The following ISY1 variants were observed in gnomAD, a reference collection of about 807,000 sequenced individuals.
ISY1 encodes ISY1 spliceosome associated protein.
ISY1 carries 12 observed loss-of-function variants against 54.4 expected under a neutral mutation model. The ratio of observed to expected loss-of-function variants is 0.22; its 90% CI spans 0.14 to 0.36. ISY1 has a LOEUF of 0.36. Ranked by LOEUF, ISY1 falls within the 10% of genes least tolerant of loss-of-function variation. ISY1 has a pLI of 1.00. For missense variants in ISY1, 282 were observed against 342.2 expected, an observed-to-expected ratio of 0.82 and a Z score of 1.39; for synonymous variants, 96 against 117.9, an observed-to-expected ratio of 0.81 and a Z score of 1.20.
chr3:129,131,307 AG>A (rs1936233203), intron 9 of ISY1, among the ~76,000 whole-genome samples: 1 of 152,256 alleles, frequency 6.6e-6, no homozygotes. Context: ...TGTACTCAAG[AG>A]AAACACTGCA....
intron 1 of ISY1, 55 bp downstream of exon 1, chr3:129,160,918 G>GCCCACC: frequency 1.5e-6 from 1 of 666,128 alleles, no homozygotes; most frequent in South Asian, 1.6e-5. Context: ...TGGACTGGGC[G>GCCCACC]CCCCCCCGCC....
chr3:129,158,359 A>G (rs1349579812), intron 3 of ISY1, 149 bp downstream of exon 3: 105 of 1,046,506 alleles, frequency 1.0e-4, no homozygotes, highest in Non-Finnish European at 6.9e-6. Flanking sequence ...GGATTTTGCC[A>G]TGTTGCCCAG....
intron 5 of ISY1, 64 bp downstream of exon 5, chr3:129,156,569 T>G: frequency 6.5e-7 from 1 of 1,532,652 alleles, no homozygotes; most frequent in Non-Finnish European, 8.9e-7. Context: ...AAAGGAGTAT[T>G]GAAGTCCTCA....
At chr3:129,130,222 A>G in intron 10 of ISY1, 34 bp from the exon 11 acceptor site, 1 of 1,564,406 alleles carries the variant, frequency 6.4e-7, no homozygotes, top group Non-Finnish European at 8.6e-7. Context: ...CTCACTCCTC[A>G]GCAAAGCCCC....
intron 5 of ISY1, among the ~76,000 whole-genome samples, chr3:129,155,064 T>C (rs1224995248): frequency 6.6e-6 from 1 of 151,978 alleles, no homozygotes; most frequent in Non-Finnish European, 1.5e-5. Context: ...TATTGATTTC[T>C]TATCTTTACT....
chr3:129,145,238 T>C (rs1936733537), intron 6 of ISY1, among the ~76,000 whole-genome samples: 1 of 151,662 alleles, frequency 6.6e-6, no homozygotes, highest in South Asian at 2.1e-4. Context: ...TTTTTTTTTT[T>C]TTTGAAGACA....
chr3:129,153,009 C>CTTTTTT (rs61374406), intron 5 of ISY1, among the ~76,000 whole-genome samples: 1 of 111,744 alleles, frequency 8.9e-6, no homozygotes, highest in South Asian at 3.0e-4. Context: ...TTCTTTCCAT[C>CTTTTTT]TTTTTTTTTT....
rs1047060970 is a variant in ISY1 at position 129,129,337 on chromosome 3, G to C, written c.*744C>G. On this transcript the variant is annotated 3_prime_UTR_variant, in exon 11 of 11. Coordinates refer to ENST00000393295, the MANE Select transcript of ISY1 (RefSeq NM_020701.4). ...AGAGCCCAGAGCAGCAACCAACACA[G>C]AGGGACCTGGTCATTGACTTGTGGG... 2.6e-5 allele frequency: 4 copies of C among 151,902 alleles called. No homozygotes were observed. The highest frequency in any genetic ancestry group is 7.3e-5 in the African/African-American group (3 of 41,346). The allele number at this position is 151,902 out of a possible 1,614,324, so 9.4% of individuals were successfully genotyped here. A position where few individuals can be genotyped will look rare whatever the true frequency, so the allele number is the denominator to read the frequency against.
rs769884973 is a variant in ISY1, at chr3:129,135,006, C to T, written c.419-52G>A. On this transcript the variant is annotated intron_variant, in intron 7 of 10. Transcript: ENST00000393295. ...TTTCCAAGTCATAATCACACTCCAG[C>T]GAAGCTGTCTCCTGATGCAACGCTA... 7.1e-6 allele frequency: 11 copies of T among 1,555,106 alleles called. No homozygotes were observed. In the Admixed American group the frequency reaches 7.2e-5, roughly 10 times the overall value.
chr3:129,158,425 T>C (rs922602591), intron 3 of ISY1, 83 bp downstream of exon 3: 27 of 1,584,940 alleles, frequency 1.7e-5, no homozygotes, highest in African/African-American at 1.2e-4. Context: ...TCCCCAAGTA[T>C]TGGGATTACA....
At chr3:129,151,881 G>A (rs1357337378) in intron 5 of ISY1, among the ~76,000 whole-genome samples, 5 of 152,016 alleles carry the variant, frequency 3.3e-5, no homozygotes, top group Non-Finnish European at 4.4e-5. Flanking sequence ...TATCAGGGCC[G>A]GGTGTGGTGG....
chr3:129,147,907 C>G (rs1936819363), intron 5 of ISY1, among the ~76,000 whole-genome samples: 2 of 152,096 alleles, frequency 1.3e-5, no homozygotes, highest in South Asian at 4.2e-4. Context: ...GTTTCTTTCA[C>G]TCAGCATTAG....
chr3:129,143,391 A>T (rs1261090203), intron 6 of ISY1, among the ~76,000 whole-genome samples: 2 of 150,924 alleles, frequency 1.3e-5, no homozygotes, highest in East Asian at 4.0e-4. Context: ...CTATAATCTC[A>T]GCTGCTCTGG....
chr3:129,149,074 G>A (rs1464015240), intron 5 of ISY1, among the ~76,000 whole-genome samples: 2 of 152,054 alleles, frequency 1.3e-5, no homozygotes, highest in Non-Finnish European at 2.9e-5. Flanking sequence ...ACACAGACAG[G>A]AAGACTGCTC....
intron 7 of ISY1, among the ~76,000 whole-genome samples, chr3:129,139,374 T>C (rs879531168): frequency 2.0e-5 from 3 of 152,204 alleles, no homozygotes; most frequent in Non-Finnish European, 4.4e-5. Context: ...CAGCATTTAA[T>C]AAAAATAGAA....
In ISY1 at chr3:129,134,023, C is replaced by T. The variant is rs573583959; in HGVS notation, c.663+51G>A. 1.9e-5 allele frequency: 31 copies of T among 1,609,308 alleles called. No homozygotes were observed. The East Asian group carries it at 6.9e-4, about 36-fold the overall frequency. On this transcript the variant is annotated intron_variant, in intron 9 of 10. Coordinates refer to ENST00000393295, the MANE Select transcript of ISY1 (RefSeq NM_020701.4). ...GCCAAGTTTCCTCCCTGCCACACTT[C>T]ATGGCTTGGAACAGATGGCAGTGAG...
rs547625066 is a variant in ISY1, at chr3:129,127,932, C to A, written c.*2149G>T. 1 of 152,324 alleles carries A rather than the reference C, an allele frequency of 6.6e-6. No homozygotes were observed. Among genetic ancestry groups the A allele is most frequent in the African/African-American group, 2.4e-5 (1 of 41,456 alleles). The allele number at this position is 152,324 out of a possible 1,614,324, so 9.4% of individuals were successfully genotyped here. A position where few individuals can be genotyped will look rare whatever the true frequency, so the allele number is the denominator to read the frequency against. On this transcript the variant is annotated 3_prime_UTR_variant, in exon 11 of 11. Transcript: ENST00000393295. The stretch of plus-strand genomic sequence containing the variant: ...GAATGCCAGGAAGCACCAGAGTGCG[C>A]GTGTGCCCCTTGGAAGACAAACCCA...
intron 9 of ISY1, among the ~76,000 whole-genome samples, chr3:129,132,023 G>A (rs569422983): frequency 6.6e-6 from 1 of 152,158 alleles, no homozygotes; most frequent in Admixed American, 6.5e-5. Context: ...TAGAAACAGG[G>A]CCTCATTGTG....
chr3:129,144,262 A>G (rs1936706901), intron 6 of ISY1: 1 of 344,352 alleles, frequency 2.9e-6, no homozygotes, highest in South Asian at 2.3e-5. Flanking sequence ...AAATGAAAAG[A>G]AAAAAAGAAG....
Sources: allele counts gnomAD v4.1 joint callset (sites outside exome capture counted in the v4.1 genomes callset), GRCh38; gene constraint gnomAD v4.1.1; transcripts MANE v1.5; gene names NCBI Gene and HGNC (gene_info 2026-07-23, HGNC 2026-07-21).